The following EPHB1 variants were observed in gnomAD, a reference collection of about 807,000 sequenced individuals.
EPHB1 encodes EPH receptor B1.
A neutral mutation model predicts 94.4 loss-of-function variants in EPHB1; 30 were observed. The observed-to-expected ratio is 0.32, with a 90% CI of 0.24 to 0.43. The LOEUF is 0.43. Among genes scored for constraint, EPHB1 ranks in the 20% least tolerant of loss-of-function variants. The pLI is 1.00. For synonymous variants in EPHB1, 522 were observed against 489.1 expected (o/e 1.07, Z -0.89); for missense variants, 1,055 against 1,308.3 (o/e 0.81, Z 2.99).
At chr3:134,894,217 G>A (rs1351111511) in intron 1 of EPHB1, among the ~76,000 whole-genome samples, 5 of 152,242 alleles carry the variant, frequency 3.3e-5, no homozygotes, top group Non-Finnish European at 5.9e-5. Context: ...TTCATCTTGA[G>A]GTGCCTTGGG....
chr3:135,205,287 C>A (rs4894268), intron 12 of EPHB1, among the ~76,000 whole-genome samples: 1 of 151,826 alleles, frequency 6.6e-6, no homozygotes, highest in Admixed American at 6.6e-5. Context: ...ATTTTTCTAT[C>A]GGGTTGTTTG....
chr3:134,963,168 TCCTTCCTTC>T (rs1933595030), intron 3 of EPHB1, among the ~76,000 whole-genome samples: 1 of 147,592 alleles, frequency 6.8e-6, no homozygotes, highest in African/African-American at 2.6e-5. Flanking sequence ...CTTCCTTCCT[TCCTTCCTTC>T]CTTCCTTCTT....
intron 12 of EPHB1, among the ~76,000 whole-genome samples, chr3:135,213,566 C>G (rs1943078029): frequency 6.6e-6 from 1 of 152,218 alleles, no homozygotes; most frequent in Middle Eastern, 3.2e-3. Context: ...AAAGGTGTCA[C>G]ATCTTTGATT....
intron 10 of EPHB1, among the ~76,000 whole-genome samples, chr3:135,185,599 A>T (rs1311976320): frequency 1.3e-5 from 2 of 152,248 alleles, no homozygotes; most frequent in African/African-American, 2.4e-5. Flanking sequence ...CATTCAGAGG[A>T]TAGCTTGCCG....
chr3:134,979,216 TAAG>T (rs1400924170), intron 3 of EPHB1, among the ~76,000 whole-genome samples: 1 of 146,538 alleles, frequency 6.8e-6, no homozygotes, highest in African/African-American at 2.6e-5. Flanking sequence ...CTTGGAATAT[TAAG>T]AAGAAGAAAT....
At chr3:134,989,414 T>C (rs1484605712) in intron 3 of EPHB1, among the ~76,000 whole-genome samples, 3 of 152,226 alleles carry the variant, frequency 2.0e-5, no homozygotes. Context: ...GATGTTTTTA[T>C]ATTAGAAAAG....
intron 5 of EPHB1, among the ~76,000 whole-genome samples, chr3:135,151,091 A>G (rs963556975): frequency 6.6e-6 from 1 of 152,222 alleles, no homozygotes; most frequent in Non-Finnish European, 1.5e-5. Context: ...CTTAGCAGCC[A>G]TTGTTTCCCA....
intron 15 of EPHB1, among the ~76,000 whole-genome samples, chr3:135,251,906 G>C (rs184320641): frequency 2.6e-5 from 4 of 152,232 alleles, no homozygotes; most frequent in Admixed American, 2.0e-4. Context: ...TCCCTGCATG[G>C]GTGCTGAGAA....
chr3:134,898,595 A>G (rs2038134427), intron 1 of EPHB1, among the ~76,000 whole-genome samples: 1 of 152,184 alleles, frequency 6.6e-6, no homozygotes, highest in African/African-American at 2.4e-5. Context: ...GCTTCGGCAC[A>G]ATCTGTAGTC....
In EPHB1 at chr3:135,011,444, A is replaced by G. The variant is rs188308975; in HGVS notation, c.805+59392A>G. On this transcript the variant is annotated intron_variant, in intron 3 of 15. Transcript: ENST00000398015. ...AAGCCTTTCTTCTGTGTGTTTTTGAATAGTTTTCTGTTATATTTGTTGGTG... is the reference window on the plus strand; with the variant it reads ...AAGCCTTTCTTCTGTGTGTTTTTGAGTAGTTTTCTGTTATATTTGTTGGTG... 7.9e-5 allele frequency among the ~76,000 whole-genome samples: 12 copies of G among 152,226 alleles called. No homozygotes were observed. In the East Asian group the frequency reaches 2.1e-3, roughly 27 times the overall value.
chr3:134,805,546 C>T (rs111535595), intron 1 of EPHB1, among the ~76,000 whole-genome samples: 1 of 152,154 alleles, frequency 6.6e-6, no homozygotes, highest in African/African-American at 2.4e-5. Flanking sequence ...CTCCTGCCCT[C>T]CTGCCCAGCA....
intron 1 of EPHB1, among the ~76,000 whole-genome samples, chr3:134,918,213 A>C (rs1423386850): frequency 6.6e-6 from 1 of 152,206 alleles, no homozygotes; most frequent in African/African-American, 2.4e-5. Context: ...CATGAGTAGG[A>C]CTAGGTCGAG....
chr3:134,843,638 T>C (rs1231330165), intron 1 of EPHB1, among the ~76,000 whole-genome samples: 1 of 152,160 alleles, frequency 6.6e-6, no homozygotes, highest in Non-Finnish European at 1.5e-5. Flanking sequence ...TCATTGATTT[T>C]TTTTCTCTTC....
chr3:135,204,007 T>G (rs982142829), intron 12 of EPHB1, among the ~76,000 whole-genome samples: 1 of 152,124 alleles, frequency 6.6e-6, no homozygotes, highest in Non-Finnish European at 1.5e-5. Flanking sequence ...TTAATTTTAA[T>G]TTTTTGATTT....
chr3:135,141,972 C>A lies in EPHB1; in HGVS notation c.1297+8923C>A, dbSNP rs980106179. On this transcript the variant is annotated intron_variant, in intron 5 of 15. Coordinates refer to ENST00000398015, the MANE Select transcript of EPHB1 (RefSeq NM_004441.5). ...AGCAGGAGAATGAGAGTATAGTTTGCGAGTACAGAGGAGACCTCCCCAGGG... is the reference window on the plus strand; with the variant it reads ...AGCAGGAGAATGAGAGTATAGTTTGAGAGTACAGAGGAGACCTCCCCAGGG... Among the ~76,000 whole-genome samples, 13 of 152,286 alleles carry A rather than the reference C, an allele frequency of 8.5e-5. No homozygotes were observed. In the East Asian group the frequency reaches 1.9e-3, roughly 23 times the overall value.
intron 3 of EPHB1, among the ~76,000 whole-genome samples, chr3:134,954,056 T>C (rs886757529): frequency 7.2e-5 from 11 of 152,220 alleles, no homozygotes; most frequent in Non-Finnish European, 1.5e-4. Context: ...GCACCATCAC[T>C]TTGCCTCTTC....
chr3:135,067,621 CA>C (rs1244547637), intron 3 of EPHB1: 2 of 152,258 alleles, frequency 1.3e-5, no homozygotes, highest in Non-Finnish European at 2.9e-5. Context: ...ACCTGCCTCC[CA>C]GCTGAAAAGG....
In EPHB1 at chr3:135,008,752, C is replaced by T. The variant is rs567902300; in HGVS notation, c.805+56700C>T. Among the ~76,000 whole-genome samples, 20 of 152,274 alleles carry T rather than the reference C, an allele frequency of 1.3e-4. No homozygotes were observed. The South Asian group carries it at 3.7e-3, about 28-fold the overall frequency. The stretch of plus-strand genomic sequence containing the variant: ...TGAGTGGAAATGGCATGGGGCCATC[C>T]GAGAGAAGAGCTGGATCCAGGGAAG... On this transcript the variant is annotated intron_variant, in intron 3 of 15. Transcript: ENST00000398015.
chr3:134,971,134 G>A (rs76700946), intron 3 of EPHB1, among the ~76,000 whole-genome samples: 1,972 of 152,318 alleles, frequency 0.013, 22 homozygotes, highest in South Asian at 0.046. Context: ...CTGACTAACA[G>A]TGCTTCAACT....
Sources: gnomAD v4.1 joint callset for allele counts (sites outside exome capture counted in the v4.1 genomes callset) on GRCh38, gnomAD v4.1.1 for gene constraint, MANE v1.5 for transcripts, NCBI Gene and HGNC (gene_info 2026-07-23, HGNC 2026-07-21) for gene names.